HEXA: variants seen among roughly 807,000 people sequenced by gnomAD.
HEXA encodes the protein hexosaminidase subunit alpha.
A neutral mutation model predicts 73.3 loss-of-function variants in HEXA; 54 were observed. The ratio of observed to expected loss-of-function variants is 0.74; its 90% CI spans 0.59 to 0.92. HEXA has a LOEUF of 0.92. Among genes scored for constraint, HEXA ranks in the 40% least tolerant of loss-of-function variants. The probability of loss-of-function intolerance (pLI) is 0.00; values close to 1 mark genes in which losing one functional copy is unlikely to be tolerated. For missense variants in HEXA, 649 were observed against 653.0 expected (o/e 0.99, Z 0.07); for synonymous variants, 230 against 246.9 (o/e 0.93, Z 0.64).
At chr15:72,372,436 CA>C (rs1297041473) in intron 1 of HEXA, among the ~76,000 whole-genome samples, 2 of 152,046 alleles carry the variant, frequency 1.3e-5, no homozygotes. Flanking sequence ...CTCCATCAAG[CA>C]CCATGCTCCA....
chr15:72,370,760 G>A (rs1363308930), intron 1 of HEXA: 1 of 394,906 alleles, frequency 2.5e-6, no homozygotes, highest in Non-Finnish European at 4.5e-6. Flanking sequence ...GCTGGTGGAA[G>A]ACTGCAGGCC....
intron 1 of HEXA, chr15:72,370,535 C>T: frequency 2.5e-6 from 1 of 397,048 alleles, no homozygotes; most frequent in Non-Finnish European, 4.4e-6. Context: ...CTACAAAATG[C>T]AAAAAATAAA....
At chr15:72,347,948 G>T (rs1450204641) in intron 9 of HEXA, 100 bp downstream of exon 9, 7 of 1,006,792 alleles carry the variant, frequency 7.0e-6, no homozygotes, top group African/African-American at 1.6e-5. Context: ...AACCCTGCAG[G>T]GACCAGACAG....
chr15:72,355,256 T>C lies in HEXA; in HGVS notation c.412+303A>G, dbSNP rs979491201. The C allele has an allele frequency of 7.4e-6, 3 of 405,434 alleles. No homozygotes were observed. In the East Asian group the frequency reaches 1.6e-4, roughly 22 times the overall value. The allele number at this position is 405,434 out of a possible 1,614,324, so 25.1% of individuals were successfully genotyped here. A position where few individuals can be genotyped will look rare whatever the true frequency, so the allele number is the denominator to read the frequency against. On this transcript the variant is annotated intron_variant, in intron 3 of 13. Transcript: ENST00000268097. ...AAAAAAGCTTCCTGGCTGGGCGCGG[T>C]GGCACACACCTGTAATCCCAGAACT...
intron 2 of HEXA, among the ~76,000 whole-genome samples, chr15:72,356,315 G>T (rs139277272): frequency 1.3e-5 from 2 of 152,340 alleles, no homozygotes; most frequent in East Asian, 3.9e-4. Flanking sequence ...TGAAGAGCCA[G>T]TGTGATGTTC....
At chr15:72,356,361 T>A (rs550914010) in intron 2 of HEXA, among the ~76,000 whole-genome samples, 164 bp downstream of exon 2, 2 of 152,312 alleles carry the variant, frequency 1.3e-5, no homozygotes, top group East Asian at 1.9e-4. Flanking sequence ...AGTTTCTGCA[T>A]AGGAAAAACT....
chr15:72,354,088 C>A (rs10467945), intron 3 of HEXA: 24,753 of 293,080 alleles, frequency 0.084, 1,834 homozygotes, highest in African/African-American at 0.24. Flanking sequence ...GACACAGAGA[C>A]AACTCAGCCT....
intron 1 of HEXA, chr15:72,370,750 G>T (rs1263381562): frequency 7.6e-6 from 3 of 394,302 alleles, no homozygotes; most frequent in Admixed American, 4.4e-5. Context: ...GAGAAGAGAG[G>T]CTGGTGGAAG....
At chr15:72,353,595 G>A in intron 4 of HEXA, 96 bp downstream of exon 4, 1 of 933,632 alleles carries the variant, frequency 1.1e-6, no homozygotes, top group Admixed American at 1.8e-5. Flanking sequence ...CAAGCCACCA[G>A]GATCCTAAGG....
In HEXA at chr15:72,375,839, T is replaced by G. The variant is rs144089645; in HGVS notation, c.134A>C (p.Gln45Pro). 6.2e-5 allele frequency: 100 copies of G among 1,614,236 alleles called. No individual in the cohort carries two copies. In the South Asian group the frequency reaches 8.1e-4, roughly 13 times the overall value. Reference sequence around the variant, plus strand: ...GGCCGAGCTGACATCGTACTGGAATTGAAAGTTGTTCGGGTAAAGGACGTA... The same window carrying G: ...GGCCGAGCTGACATCGTACTGGAATGGAAAGTTGTTCGGGTAAAGGACGTA... ...QRYVLYPNNF[Q>P]FQYDVSSAAQ... is the part of the protein sequence containing the mutation. The change falls in exon 1 of 14, where the codon CAA becomes CCA. Residue 45 changes from glutamine (Q) to proline (P), a missense_variant. By Grantham distance (76) the Gln-to-Pro change is moderately conservative. Transcript: ENST00000268097.
rs370266293 is a variant in HEXA, at chr15:72,346,679, C to T, written c.1178G>A (p.Arg393Gln). ...CATATAGTTCACTGGAATATCCTCTCGCCACACCTGTATGATTGTGTCTGG... is the reference window on the plus strand; with the variant it reads ...CATATAGTTCACTGGAATATCCTCTTGCCACACCTGTATGATTGTGTCTGG... ...IQPDTIIQVW[R>Q]EDIPVNYMKE... The change falls in exon 11 of 14, where the codon CGA becomes CAA. Residue 393 changes from arginine to glutamine, a missense_variant. Transcript: ENST00000268097. The T allele has an allele frequency of 8.3e-5, 134 of 1,614,144 alleles. 2 individuals are homozygous for T. Among genetic ancestry groups the T allele is most frequent in the South Asian group, 8.1e-4 (74 of 91,078 alleles).
chr15:72,374,223 T>TC (rs1235448231), intron 1 of HEXA, among the ~76,000 whole-genome samples: 2 of 151,158 alleles, frequency 1.3e-5, no homozygotes, highest in Non-Finnish European at 3.0e-5. Flanking sequence ...TTAGACGGAT[T>TC]TTTTTTTCCA....
chr15:72,353,079 G>C lies in HEXA; in HGVS notation c.559C>G (p.Leu187Val), dbSNP rs1390872805. 1 of 1,607,878 alleles carries C rather than the reference G, an allele frequency of 6.2e-7. No individual in the cohort carries two copies. ...SRHYLPLSSILDTLDVMAYNK... is the reference protein window; with the variant it reads ...SRHYLPLSSIVDTLDVMAYNK... The stretch of plus-strand genomic sequence containing the variant: ...TAAGGCCTGGTTACCAGAGTGTCCA[G>C]GATGCTAGAGAGTGGCAGGTAATGG... The change falls in exon 5 of 14, where the codon CTG (leucine) becomes GTG (valine). Residue 187 changes from leucine (L) to valine (V), a missense_variant. Leu to Val is a conservative substitution (Grantham distance 32). Coordinates refer to ENST00000268097, the MANE Select transcript of HEXA (RefSeq NM_000520.6).
chr15:72,353,712 A>C lies in HEXA; in HGVS notation c.438T>G (p.Val146=), dbSNP rs2140326788. The C allele has an allele frequency of 6.2e-7, 1 of 1,613,296 alleles. No homozygotes were observed. The stretch of plus-strand genomic sequence containing the variant: ...TTACTGTGCCCTCAGCAGATTTCCA[A>C]ACAAGCTGGCTAAAAGTCTCCAGAC... The part of the protein sequence containing the change: ...LRGLETFSQL[V]WKSAEGTFFI... Residue 146 remains valine (V), a synonymous_variant, in exon 4 of 14, where the codon GTT becomes GTG. Coordinates refer to ENST00000268097, the MANE Select transcript of HEXA (RefSeq NM_000520.6).
At chr15:72,351,436 T>C in intron 5 of HEXA, 1 of 635,168 alleles carries the variant, frequency 1.6e-6, no homozygotes, top group East Asian at 2.7e-5. Flanking sequence ...AGCACACTTC[T>C]ACTTTTCCCA....
At position 72,353,062 on chromosome 15, in the gene HEXA, G is replaced by A. The variant is rs766165730; in HGVS notation, c.570+6C>T. On this transcript the variant is annotated splice_donor_region_variant and intron_variant, in intron 5 of 13. Transcript: ENST00000268097. ...AAGTGTGAAGAAGGCCTTAAGGCCT[G>A]GTTACCAGAGTGTCCAGGATGCTAG... The A allele has an allele frequency of 6.4e-7, 1 of 1,569,458 alleles. No homozygotes were observed. Among genetic ancestry groups the A allele is most frequent in the African/African-American group, 1.3e-5 (1 of 74,102 alleles).
intron 8 of HEXA, among the ~76,000 whole-genome samples, chr15:72,348,713 C>T (rs1205646418): frequency 1.3e-5 from 2 of 152,218 alleles, no homozygotes; most frequent in Non-Finnish European, 2.9e-5. Flanking sequence ...ACTAATTAGA[C>T]ATTGTCACCT....
chr15:72,348,534 G>A (rs954679685), intron 8 of HEXA, among the ~76,000 whole-genome samples: 4 of 152,130 alleles, frequency 2.6e-5, no homozygotes, highest in Non-Finnish European at 5.9e-5. Flanking sequence ...GCGTTATGAC[G>A]TCCACATTTT....
At chr15:72,369,725 G>A (rs975050526) in intron 1 of HEXA, among the ~76,000 whole-genome samples, 5 of 152,120 alleles carry the variant, frequency 3.3e-5, no homozygotes, top group Non-Finnish European at 5.9e-5. Context: ...AGAAGTACTG[G>A]TAAGGCTGTA....
Sources: allele counts gnomAD v4.1 joint callset (sites outside exome capture counted in the v4.1 genomes callset), GRCh38; gene constraint gnomAD v4.1.1; transcripts MANE v1.5; gene names NCBI Gene and HGNC (gene_info 2026-07-23, HGNC 2026-07-21).